KIAA1671: variants seen among roughly 807,000 people sequenced by gnomAD.
KIAA1671 encodes the protein uncharacterized protein KIAA1671.
In KIAA1671, 52 loss-of-function variants were observed where a neutral mutation model predicts 131.2. The ratio of observed to expected loss-of-function variants is 0.40; its 90% CI spans 0.32 to 0.50. The LOEUF (loss-of-function observed/expected upper bound fraction) is 0.50, where lower values mean the gene tolerates loss of function less well. Ranked by LOEUF, KIAA1671 falls within the 20% of genes least tolerant of loss-of-function variation. The pLI is 0.73. For synonymous variants in KIAA1671, 1,003 were observed against 961.6 expected (o/e 1.04, Z -0.80); for missense variants, 2,360 against 2,364.2 (o/e 1.00, Z 0.04).
rs774816891 is a variant in KIAA1671 at position 24,979,350 on chromosome 22, A to ATTTT, written c.-208+26581_-208+26582insTTTT. ...AATAATTTATTTTATTTATTTATTTATTTATTTATTTTTTTTTGAGACGGA... is the reference window on the plus strand; with the variant it reads ...AATAATTTATTTTATTTATTTATTTATTTTTTTATTTATTTTTTTTTGAGACGGA... On this transcript the variant is annotated intron_variant, in intron 1 of 12. Transcript: ENST00000358431. 1.0e-3 allele frequency among the ~76,000 whole-genome samples: 138 copies of ATTTT among 134,744 alleles called. 1 individual carries two copies. In the East Asian group the frequency reaches 0.014, roughly 14 times the overall value. 88.4% of individuals were successfully genotyped at this position (134,744 alleles called of 152,430 possible).
chr22:24,995,510 C>T lies in KIAA1671; in HGVS notation c.-207-30123C>T, dbSNP rs535541026. ...TAGTTGGGACTACAGGCAGGAGCTA[C>T]CATGTCTGGCTAATCGTTTTTGTAT... On this transcript the variant is annotated intron_variant, in intron 1 of 12. Coordinates refer to ENST00000358431, the MANE Select transcript of KIAA1671 (RefSeq NM_001145206.2). Among the ~76,000 whole-genome samples, 3 of 152,120 alleles carry T rather than the reference C, an allele frequency of 2.0e-5. No homozygotes were observed. The South Asian group carries it at 6.2e-4, about 32-fold the overall frequency.
At chr22:25,147,215 C>CA (rs1932898298) in intron 6 of KIAA1671, among the ~76,000 whole-genome samples, 1 of 121,110 alleles carries the variant, frequency 8.3e-6, no homozygotes, top group African/African-American at 2.7e-5. Flanking sequence ...TTATTTTAGA[C>CA]AGAGTCTTAT....
intron 3 of KIAA1671, among the ~76,000 whole-genome samples, chr22:25,031,828 A>C (rs1335518843): frequency 6.6e-6 from 1 of 152,190 alleles, no homozygotes; most frequent in African/African-American, 2.4e-5. Flanking sequence ...CTCTGAGTTT[A>C]GACAGAACTC....
At chr22:25,147,977 CCCCT>C (rs745650400) in intron 6 of KIAA1671, among the ~76,000 whole-genome samples, 12 of 126,340 alleles carry the variant, frequency 9.5e-5, no homozygotes, top group African/African-American at 1.5e-4. Flanking sequence ...TTCCTCCCTT[CCCCT>C]CCCTCCCTCC....
chr22:25,093,331 G>A (rs931809719), intron 6 of KIAA1671, among the ~76,000 whole-genome samples: 2 of 152,130 alleles, frequency 1.3e-5, no homozygotes, highest in African/African-American at 4.8e-5. Context: ...CTTTCAAGAG[G>A]AGAGACAAGA....
chr22:25,013,357 C>T (rs550073324), intron 1 of KIAA1671: 1 of 152,246 alleles, frequency 6.6e-6, no homozygotes, highest in East Asian at 1.9e-4. Flanking sequence ...GCTGTATTGA[C>T]TAGGTTGATT....
At chr22:24,962,470 A>C (rs1922066650) in intron 1 of KIAA1671, among the ~76,000 whole-genome samples, 2 of 152,116 alleles carry the variant, frequency 1.3e-5, no homozygotes, top group South Asian at 4.2e-4. Flanking sequence ...ATTGCAGGGA[A>C]CCTGGAGCCG....
At chr22:25,191,231 T>TC (rs1236132986) in intron 12 of KIAA1671, among the ~76,000 whole-genome samples, 5 of 151,464 alleles carry the variant, frequency 3.3e-5, no homozygotes, top group African/African-American at 1.2e-4. Flanking sequence ...TCTTGGCTCA[T>TC]TGCGGCCTCT....
chr22:25,022,177 C>T (rs1456911057), intron 1 of KIAA1671, among the ~76,000 whole-genome samples: 4 of 152,224 alleles, frequency 2.6e-5, no homozygotes, highest in Admixed American at 1.3e-4. Flanking sequence ...GACCAGCCCA[C>T]GCCCCTCACC....
At chr22:25,131,394 C>T (rs900329056) in intron 6 of KIAA1671, among the ~76,000 whole-genome samples, 4 of 152,234 alleles carry the variant, frequency 2.6e-5, no homozygotes, top group African/African-American at 7.2e-5. Flanking sequence ...TGCCCACACC[C>T]ATGGGCCTAG....
At chr22:25,109,969 A>C (rs5760860) in intron 6 of KIAA1671, 114,428 of 152,024 alleles carry the variant, frequency 0.75, 44,164 homozygotes, top group African/African-American at 0.93. Context: ...ATTACACACA[A>C]AAAAAAATTA....
Position 25,028,141 on chromosome 22 carries a change from T to C in KIAA1671, c.142T>C (p.Leu48=). 6.4e-7 allele frequency: 1 copy of C among 1,551,136 alleles called. No individual in the cohort carries two copies. The highest frequency in any genetic ancestry group is 2.4e-5 in the East Asian group (1 of 40,888). ...CTCTGGGGCTCCCCCAGCCCGGATC[T>C]TGGAAGCGAAGAGCCCCCTGCGGAG... ...EASGAPPARI[L]EAKSPLRSPA... is the part of the protein sequence containing the mutation. Residue 48 remains leucine (L), a synonymous_variant, in exon 3 of 13, where the codon TTG becomes CTG. Transcript: ENST00000358431.
chr22:24,993,605 C>A (rs73395652), intron 1 of KIAA1671, among the ~76,000 whole-genome samples: 5,471 of 152,210 alleles, frequency 0.036, 319 homozygotes, highest in African/African-American at 0.12. Context: ...ATGCTACTGT[C>A]TTTGTCTTGG....
At chr22:24,959,133 A>G (rs189702915) in intron 1 of KIAA1671, among the ~76,000 whole-genome samples, 24 of 152,148 alleles carry the variant, frequency 1.6e-4, no homozygotes. Flanking sequence ...ACTGCACTTT[A>G]GCCTGAGACA....
At chr22:24,985,600 A>G (rs1307787470) in intron 1 of KIAA1671, among the ~76,000 whole-genome samples, 1 of 151,936 alleles carries the variant, frequency 6.6e-6, no homozygotes, top group Non-Finnish European at 1.5e-5. Context: ...CGGCCTCCCA[A>G]AGTGCTGGGA....
At chr22:24,968,029 G>A (rs189250353) in intron 1 of KIAA1671, among the ~76,000 whole-genome samples, 10 of 152,094 alleles carry the variant, frequency 6.6e-5, no homozygotes, top group South Asian at 2.1e-4. Context: ...GAGACAGGAC[G>A]CTTTGGCAAC....
intron 1 of KIAA1671, among the ~76,000 whole-genome samples, chr22:24,996,746 G>A (rs978060591): frequency 6.6e-6 from 1 of 152,188 alleles, no homozygotes; most frequent in East Asian, 1.9e-4. Context: ...CTGTGGGAGT[G>A]AGGGATTTAC....
chr22:25,039,885 G>A lies in KIAA1671; in HGVS notation c.2755G>A (p.Glu919Lys). ...AGGGCCCTTCATTGTAGCCGCCAGG[G>A]AGGGTGATCCAGGGCCGGCCCAGGT... The part of the protein sequence containing the change: ...QKGPFIVAAR[E>K]GDPGPAQVPQ... The change falls in exon 5 of 13, where the codon GAG (glutamate) becomes AAG (lysine). Residue 919 changes from glutamate (E) to lysine (K), a missense_variant. Transcript: ENST00000358431. 1 of 1,551,556 alleles carries A rather than the reference G, an allele frequency of 6.4e-7. No individual in the cohort carries two copies. The highest frequency in any genetic ancestry group is 1.7e-4 in the Middle Eastern group (1 of 5,986).
intron 6 of KIAA1671, chr22:25,055,678 G>C (rs936062398): frequency 1.3e-5 from 2 of 150,162 alleles, no homozygotes; most frequent in South Asian, 4.6e-4. Flanking sequence ...ATGACCAGTT[G>C]TATATCTTTT....
Sources: allele counts gnomAD v4.1 joint callset (sites outside exome capture counted in the v4.1 genomes callset), GRCh38; gene constraint gnomAD v4.1.1; transcripts MANE v1.5; gene names NCBI Gene and HGNC (gene_info 2026-07-23, HGNC 2026-07-21).